The following STAG2 variants were observed in gnomAD, a reference collection of about 807,000 sequenced individuals.
STAG2 encodes the protein cohesin subunit SA-2.
In STAG2, 14 loss-of-function variants were observed where a neutral mutation model predicts 108.1. The observed-to-expected ratio is 0.13, with a 90% confidence interval of 0.09 to 0.20. STAG2 has a LOEUF of 0.20. STAG2 is among the 10% of genes least tolerant of loss of function. The pLI, the probability that STAG2 is intolerant of heterozygous loss-of-function variation, is 1.00. For missense variants in STAG2, 440 were observed against 940.9 expected, an observed-to-expected ratio of 0.47 and a Z score of 6.96; for synonymous variants, 307 against 302.7, an observed-to-expected ratio of 1.01 and a Z score of -0.15.
At chrX:124,050,705 A>G (rs951499709) in intron 11 of STAG2, among the ~76,000 whole-genome samples, 1 of 111,524 alleles carries the variant, frequency 9.0e-6, no homozygotes, top group African/African-American at 3.3e-5. Context: ...ATACCTTACT[A>G]CTTGGTTTCT....
intron 1 of STAG2, among the ~76,000 whole-genome samples, chrX:124,009,623 G>A (rs183567335): frequency 2.2e-4 from 25 of 111,190 alleles, no homozygotes; most frequent in South Asian, 1.5e-3. Flanking sequence ...GTTAGTTTGC[G>A]TTGCTGCTGG....
chrX:124,061,374 G>T, intron 16 of STAG2, 33 bp downstream of exon 16: 1 of 1,046,827 alleles, frequency 9.6e-7, no homozygotes, highest in Non-Finnish European at 1.3e-6. Context: ...TTTTTGTTTA[G>T]ACAGTTTTGT....
rs924026329 is a variant in STAG2 at position 124,064,171 on chromosome X, T to G, written c.2025+120T>G. On this transcript the variant is annotated intron_variant, in intron 20 of 34. Transcript: ENST00000371145. ...CCCTAGCAGTATTTTGAAAAGATGT[T>G]CAGGCTTTTCATTCTATGACTCATC... 108 of 507,797 alleles carry G rather than the reference T, an allele frequency of 2.1e-4. No individual in the cohort carries two copies. In the East Asian group the frequency reaches 4.0e-3, roughly 19 times the overall value. The allele number at this position is 507,797 out of a possible 1,213,427, so 41.8% of individuals were successfully genotyped here.
intron 1 of STAG2, among the ~76,000 whole-genome samples, chrX:123,996,119 C>T (rs1326820658): frequency 3.6e-5 from 4 of 112,211 alleles, no homozygotes; most frequent in African/African-American, 9.7e-5. Context: ...ATATAACCCC[C>T]GAACATGGAG....
chrX:123,980,808 G>T (rs1190482628), intron 1 of STAG2, among the ~76,000 whole-genome samples: 1 of 112,188 alleles, frequency 8.9e-6, no homozygotes, highest in Non-Finnish European at 1.9e-5. Context: ...ATAGTATTAG[G>T]ATAATACAAT....
intron 6 of STAG2, among the ~76,000 whole-genome samples, chrX:124,038,103 A>G (rs185352992): frequency 4.2e-4 from 47 of 112,474 alleles, no homozygotes; most frequent in African/African-American, 1.4e-3. Flanking sequence ...AAGGTAAAGA[A>G]ATTTTGTTGT....
intron 1 of STAG2, among the ~76,000 whole-genome samples, chrX:124,008,159 G>A (rs950559889): frequency 7.3e-5 from 8 of 110,225 alleles, no homozygotes; most frequent in Admixed American, 6.8e-4. Flanking sequence ...AGAAGTTGGA[G>A]GAGAAAAGTT....
intron 1 of STAG2, among the ~76,000 whole-genome samples, chrX:123,989,306 A>G (rs892809392): frequency 1.8e-5 from 2 of 111,719 alleles, no homozygotes; most frequent in Non-Finnish European, 1.9e-5. Flanking sequence ...TTCCATTCCA[A>G]GTTTTTAGAA....
chrX:124,013,631 A>G (rs1318591344), intron 1 of STAG2, among the ~76,000 whole-genome samples: 1 of 111,653 alleles, frequency 9.0e-6, no homozygotes, highest in African/African-American at 3.3e-5. Flanking sequence ...TATGTCAACT[A>G]TAATATGGTA....
At chrX:124,099,528 T>G (rs895436209) in intron 34 of STAG2, among the ~76,000 whole-genome samples, 2 of 111,362 alleles carry the variant, frequency 1.8e-5, no homozygotes, top group African/African-American at 6.5e-5. Context: ...GCACGAGTCC[T>G]CTTTGTTTTC....
intron 1 of STAG2, 35 bp from the exon 2 acceptor site, chrX:124,021,332 T>C (rs2056920179): frequency 8.9e-6 from 1 of 111,805 alleles, no homozygotes; most frequent in Non-Finnish European, 1.9e-5. Context: ...TTAATATTAA[T>C]TGGATATGTT....
intron 15 of STAG2, among the ~76,000 whole-genome samples, chrX:124,058,194 G>A (rs965523657): frequency 5.2e-5 from 4 of 77,545 alleles, no homozygotes; most frequent in Non-Finnish European, 9.0e-5. Context: ...GTCTTGCTCT[G>A]TCACCCAGGC....
At chrX:123,966,337 C>G (rs756710454) in intron 1 of STAG2, among the ~76,000 whole-genome samples, 4 of 109,746 alleles carry the variant, frequency 3.6e-5, no homozygotes, top group Non-Finnish European at 7.6e-5. Flanking sequence ...TGGTGCGCGT[C>G]TGTAGTCCCA....
intron 1 of STAG2, among the ~76,000 whole-genome samples, chrX:123,991,376 G>A (rs2055451182): frequency 9.2e-6 from 1 of 108,542 alleles, no homozygotes; most frequent in South Asian, 3.9e-4. Context: ...TTTTTGAGAC[G>A]GAGTCTGACT....
At chrX:123,976,983 T>A (rs1458179628) in intron 1 of STAG2, among the ~76,000 whole-genome samples, 1 of 112,235 alleles carries the variant, frequency 8.9e-6, no homozygotes, top group Non-Finnish European at 1.9e-5. Flanking sequence ...GTTAAACTTC[T>A]CATAGTGGTC....
At chrX:123,976,504 TAATTG>T (rs2054627248) in intron 1 of STAG2, among the ~76,000 whole-genome samples, 1 of 111,295 alleles carries the variant, frequency 9.0e-6, no homozygotes, top group African/African-American at 3.3e-5. Flanking sequence ...TCTCAAATGG[TAATTG>T]AATTGAAACC....
chrX:124,097,545 C>T (rs2059414737), intron 34 of STAG2: 1 of 182,555 alleles, frequency 5.5e-6, no homozygotes, highest in Admixed American at 5.4e-5. Context: ...TAAGACACTC[C>T]CTGTCCTTAA....
upstream of STAG2, chrX:123,961,114 C>T (rs1349652874): frequency 4.7e-5 from 5 of 106,929 alleles, no homozygotes; most frequent in Admixed American, 9.8e-5. Flanking sequence ...CGCCCCCCGC[C>T]CTCCTTTCTC....
At chrX:124,059,458 A>C (rs1233126782) in intron 15 of STAG2, among the ~76,000 whole-genome samples, 1 of 111,926 alleles carries the variant, frequency 8.9e-6, no homozygotes, top group Non-Finnish European at 1.9e-5. Flanking sequence ...TCTTTGCTGA[A>C]AGTTTCTAAC....
Sources: gnomAD v4.1 joint callset for allele counts (sites outside exome capture counted in the v4.1 genomes callset) on GRCh38, gnomAD v4.1.1 for gene constraint, MANE v1.5 for transcripts, NCBI Gene and HGNC (gene_info 2026-07-23, HGNC 2026-07-21) for gene names.